Variants in PPP2R2B observed in about 807,000 individuals in gnomAD.
PPP2R2B encodes protein phosphatase 2 regulatory subunit Bbeta, also known as serine/threonine-protein phosphatase 2A 55 kDa regulatory subunit B beta isoform.
In PPP2R2B, 5 loss-of-function variants were observed where a neutral mutation model predicts 46.0. The observed-to-expected ratio is 0.11, with a 90% CI of 0.06 to 0.23. PPP2R2B has a LOEUF of 0.23. Ranked by LOEUF, PPP2R2B falls within the 10% of genes least tolerant of loss-of-function variation. The pLI, the probability that PPP2R2B is intolerant of heterozygous loss-of-function variation, is 1.00. For synonymous variants in PPP2R2B, 215 were observed against 206.7 expected (o/e 1.04, Z -0.34); for missense variants, 367 against 575.0 (o/e 0.64, Z 3.70).
chr5:146,881,525 G>A (rs1033373899), upstream of PPP2R2B, among the ~76,000 whole-genome samples: 1 of 152,080 alleles, frequency 6.6e-6, no homozygotes, highest in African/African-American at 2.4e-5. Flanking sequence ...TGAGTCTCAT[G>A]CGTCAGACTC....
chr5:146,797,055 C>T (rs756093424), intron 2 of PPP2R2B, among the ~76,000 whole-genome samples: 63 of 152,202 alleles, frequency 4.1e-4, no homozygotes, highest in East Asian at 1.9e-4. Context: ...TAGCTCTCAA[C>T]GTTCCCACTG....
At chr5:146,856,637 C>A in intron 2 of PPP2R2B, 1 of 1,298,028 alleles carries the variant, frequency 7.7e-7, no homozygotes, top group Non-Finnish European at 1.1e-6. Context: ...GATGCTTCAA[C>A]TTTTGGTAAC....
chr5:146,897,086 A>G (rs1014896769), intron 1 of PPP2R2B, among the ~76,000 whole-genome samples: 9 of 152,186 alleles, frequency 5.9e-5, no homozygotes, highest in African/African-American at 1.9e-4. Context: ...GCCCCAGAAC[A>G]ATGAAAAGAA....
At chr5:146,886,046 T>C (rs999189358) in intron 1 of PPP2R2B, among the ~76,000 whole-genome samples, 22 of 151,988 alleles carry the variant, frequency 1.4e-4, no homozygotes, top group Non-Finnish European at 2.9e-4. Context: ...GTTCTAAAAT[T>C]AGATAGGGGC....
chr5:146,604,726 T>C (rs1193420368), intron 7 of PPP2R2B, among the ~76,000 whole-genome samples: 2 of 152,190 alleles, frequency 1.3e-5, no homozygotes, highest in African/African-American at 4.8e-5. Context: ...ACTCTTCTCA[T>C]TTGTAGATAA....
rs1006803354 is a variant in PPP2R2B at position 146,776,308 on chromosome 5, T to C, written c.71-75166A>G. On this transcript the variant is annotated intron_variant, in intron 2 of 9. Coordinates refer to ENST00000394411, the MANE Select transcript of PPP2R2B (RefSeq NM_181675.4). ...TGGTACAGGGATAACAACGGTTTTA[T>C]ATAACAATATAGAATTGAGAGCCCA... 2.0e-5 allele frequency among the ~76,000 whole-genome samples: 3 copies of C among 152,108 alleles called. No individual in the cohort carries two copies. The East Asian group carries it at 5.8e-4, about 29-fold the overall frequency.
intron 5 of PPP2R2B, among the ~76,000 whole-genome samples, chr5:146,669,916 T>A (rs868422312): frequency 7.2e-5 from 11 of 152,330 alleles, no homozygotes; most frequent in Middle Eastern, 3.4e-3. Flanking sequence ...TAAAGAAGAT[T>A]TATGGATTAT....
At chr5:146,884,424 A>G (rs1762261040) in intron 1 of PPP2R2B, among the ~76,000 whole-genome samples, 3 of 152,140 alleles carry the variant, frequency 2.0e-5, no homozygotes, top group South Asian at 4.1e-4. Flanking sequence ...TTGCTTTTAT[A>G]GGGCTCCTAG....
chr5:146,830,819 T>C (rs1218654446), intron 2 of PPP2R2B, among the ~76,000 whole-genome samples: 1 of 152,190 alleles, frequency 6.6e-6, no homozygotes, highest in Non-Finnish European at 1.5e-5. Flanking sequence ...ATTAGGTGAC[T>C]TGCTACCATA....
chr5:146,633,386 C>A (rs547613471), intron 7 of PPP2R2B, among the ~76,000 whole-genome samples: 8 of 152,164 alleles, frequency 5.3e-5, no homozygotes, highest in Admixed American at 1.3e-4. Flanking sequence ...GGCTGAACTG[C>A]GGTTGACTGC....
rs112048876 is a variant in PPP2R2B at position 146,623,121 on chromosome 5, C to A, written c.790+15130G>T. Among the ~76,000 whole-genome samples, 309 of 152,284 alleles carry A rather than the reference C, an allele frequency of 2.0e-3. 3 individuals carry two copies. The highest frequency in any genetic ancestry group is 6.9e-3 in the African/African-American group (286 of 41,538). On this transcript the variant is annotated intron_variant, in intron 7 of 9. Coordinates refer to ENST00000394411, the MANE Select transcript of PPP2R2B (RefSeq NM_181675.4). ...ACCTCCCTAGGGGCAAGCAACAGTA[C>A]GTTGGATTAACACAAATTTGTGGTT...
At position 146,746,950 on chromosome 5, in the gene PPP2R2B, G is replaced by T. The variant is rs74911745; in HGVS notation, c.71-45808C>A. 7.8e-4 allele frequency among the ~76,000 whole-genome samples: 118 copies of T among 152,232 alleles called. No individual in the cohort carries two copies. The East Asian group carries it at 0.013, about 17-fold the overall frequency. On this transcript the variant is annotated intron_variant, in intron 2 of 9. Coordinates refer to ENST00000394411, the MANE Select transcript of PPP2R2B (RefSeq NM_181675.4). ...TCCGAATTTTCATTCGGGTCTCTTG[G>T]CTCCAAGGCTTTTCTATAACATCGT...
intron 7 of PPP2R2B, among the ~76,000 whole-genome samples, chr5:146,614,164 T>C (rs1772909333): frequency 8.7e-6 from 1 of 114,692 alleles, no homozygotes; most frequent in African/African-American, 4.5e-5. Flanking sequence ...TATAGATCAA[T>C]GGAACAGAAC....
chr5:146,933,769 T>C (rs762164005), intron 1 of PPP2R2B, among the ~76,000 whole-genome samples: 12 of 151,512 alleles, frequency 7.9e-5, no homozygotes, highest in Non-Finnish European at 1.5e-4. Context: ...GCCATGCTGG[T>C]GCACTGCACC....
intron 2 of PPP2R2B, among the ~76,000 whole-genome samples, chr5:147,070,823 T>C (rs2151910985): frequency 6.6e-6 from 1 of 152,318 alleles, no homozygotes; most frequent in South Asian, 2.1e-4. Flanking sequence ...GATGATCCTA[T>C]ACCAAACTCA....
chr5:146,981,682 A>G (rs1753183694), intron 1 of PPP2R2B, among the ~76,000 whole-genome samples: 1 of 152,192 alleles, frequency 6.6e-6, no homozygotes, highest in Non-Finnish European at 1.5e-5. Flanking sequence ...CAATAAAGAC[A>G]GAGAACATTT....
chr5:146,860,253 A>G (rs552564712), intron 2 of PPP2R2B, among the ~76,000 whole-genome samples: 5 of 152,316 alleles, frequency 3.3e-5, no homozygotes, highest in Admixed American at 1.3e-4. Flanking sequence ...GGGCCTATCA[A>G]ATTTAGAAAA....
At chr5:146,701,299 A>T (rs1779524238) in intron 2 of PPP2R2B, 157 bp from the exon 3 acceptor site, 8 of 785,392 alleles carry the variant, frequency 1.0e-5, no homozygotes, top group Non-Finnish European at 1.1e-5. Context: ...ATGCCACCAG[A>T]AGTGGCACTT....
intron 7 of PPP2R2B, among the ~76,000 whole-genome samples, chr5:146,613,895 G>A (rs1772875091): frequency 7.3e-6 from 1 of 136,574 alleles, no homozygotes; most frequent in Non-Finnish European, 1.5e-5. Context: ...TGGGTAGGAA[G>A]AATCGATATC....
Sources: gnomAD v4.1 joint callset for allele counts (sites outside exome capture counted in the v4.1 genomes callset) on GRCh38, gnomAD v4.1.1 for gene constraint, MANE v1.5 for transcripts, NCBI Gene and HGNC (gene_info 2026-07-23, HGNC 2026-07-21) for gene names.